Variants in SNRNP200 observed in about 807,000 individuals in gnomAD.
SNRNP200 encodes small nuclear ribonucleoprotein U5 subunit 200.
A neutral mutation model predicts 255.2 loss-of-function variants in SNRNP200; 66 were observed. The ratio of observed to expected loss-of-function variants is 0.26; its 90% CI spans 0.21 to 0.32. The LOEUF is 0.32. Ranked by LOEUF, SNRNP200 falls within the 10% of genes least tolerant of loss-of-function variation. The pLI, the probability that SNRNP200 is intolerant of heterozygous loss-of-function variation, is 1.00. For synonymous variants in SNRNP200, 939 were observed against 1,027.8 expected (o/e 0.91, Z 1.65); for missense variants, 1,585 against 2,749.8 (o/e 0.58, Z 9.47).
At chr2:96,288,427 G>A (rs1179955309) in intron 24 of SNRNP200, among the ~76,000 whole-genome samples, 1 of 152,142 alleles carries the variant, frequency 6.6e-6, no homozygotes, top group African/African-American at 2.4e-5. Context: ...TCTCTCTGAG[G>A]GCCCGTGGAG....
chr2:96,285,227 C>G lies in SNRNP200; in HGVS notation c.4117G>C (p.Glu1373Gln), dbSNP rs1558765924. 1 of 1,614,186 alleles carries G rather than the reference C, an allele frequency of 6.2e-7. No homozygotes were observed. Among genetic ancestry groups the G allele is most frequent in the Admixed American group, 1.7e-5 (1 of 60,032 alleles). The stretch of plus-strand genomic sequence containing the variant: ...GGGGTGATGTACACACAGCGCCCCT[C>G]CGAGCTCTGCAGCAGCATTCGCAGG... ...AILRMLLQSS[E>Q]GRCVYITPME... The change falls in exon 30 of 45, where the codon GAG (glutamate) becomes CAG (glutamine). Residue 1373 changes from glutamate (E) to glutamine (Q), a missense_variant. Physicochemically the swap from Glu to Gln is conservative, Grantham distance 29. Around this residue, in one of 9 missense-constraint regions of SNRNP200, gnomAD observed 719 missense variants for 1,091.1 expected, o/e 0.66. Transcript: ENST00000323853.
chr2:96,290,875 C>T lies in SNRNP200; in HGVS notation c.2422-60G>A. 6.2e-7 allele frequency: 1 copy of T among 1,610,210 alleles called. No individual in the cohort carries two copies. Among genetic ancestry groups the T allele is most frequent in the Non-Finnish European group, 8.5e-7 (1 of 1,177,684 alleles). On this transcript the variant is annotated intron_variant, in intron 18 of 44. Transcript: ENST00000323853. This position sits in a 1 kb window ranked among gnomAD's most constrained non-coding sequence, Gnocchi z 4.5. ...ATGCCATCACCAGGGGTTAATATCC[C>T]TGGCTTCTCTAGGCAGTTGGCCTCA...
chr2:96,298,724 A>C (rs1486713142), intron 7 of SNRNP200, 22 bp from the exon 8 acceptor site: 2 of 1,613,908 alleles, frequency 1.2e-6, no homozygotes, highest in Non-Finnish European at 1.7e-6. Context: ...AGGTAACACC[A>C]CCATTAAGGC....
At position 96,277,579 on chromosome 2, in the gene SNRNP200, G is replaced by T; in HGVS notation, c.5891C>A (p.Pro1964Gln). The change falls in exon 41 of 45, where the codon CCA becomes CAA. Residue 1964 changes from proline (P) to glutamine (Q), a missense_variant. Physicochemically the swap from Pro to Gln is moderately conservative, Grantham distance 76. Around this residue, in one of 9 missense-constraint regions of SNRNP200, gnomAD observed 279 missense variants for 551.2 expected, o/e 0.51. Transcript: ENST00000323853. This position sits in a 1 kb window ranked among gnomAD's most constrained non-coding sequence, Gnocchi z 4.4. ...WSKDSYLKQL[P>Q]HFTSEHIKRC... The stretch of plus-strand genomic sequence containing the variant: ...TTTGATATGCTCAGAGGTGAAGTGT[G>T]GCAGCTGCTTCAGGTATGAGTCCTT... 1 of 1,613,336 alleles carries T rather than the reference G, an allele frequency of 6.2e-7. No individual in the cohort carries two copies. Among genetic ancestry groups the T allele is most frequent in the Non-Finnish European group, 8.5e-7 (1 of 1,180,032 alleles).
Position 96,277,879 on chromosome 2 carries a change from G to A in SNRNP200, c.5682C>T (p.Leu1894=). The change falls in exon 40 of 45, where the codon CTC becomes CTT. Residue 1894 remains leucine (L), a synonymous_variant. Coordinates refer to ENST00000323853, the MANE Select transcript of SNRNP200 (RefSeq NM_014014.5). The surrounding 1 kb of genome is among the most constrained non-coding windows in gnomAD (Gnocchi z 4.4). ...FNDPHVKTNL[L]LQAHLSRMQL... is the part of the protein sequence containing the mutation. The stretch of plus-strand genomic sequence containing the variant: ...GCATGCGAGACAAGTGAGCCTGCAG[G>A]AGCAGGTTGGTCTTGACGTGCGGAT... 3 of 1,614,234 alleles carry A rather than the reference G, an allele frequency of 1.9e-6. No individual in the cohort carries two copies. The highest frequency in any genetic ancestry group is 2.5e-6 in the Non-Finnish European group (3 of 1,180,044).
rs1161223632 is a variant in SNRNP200 at position 96,281,932 on chromosome 2, A to G, written c.4916-10T>C. ...ACCACCTGGATAGCCCCTGAGCAGTAGAGGGGAGAGGAAGGCTGAGGGCAG... is the reference window on the plus strand; with the variant it reads ...ACCACCTGGATAGCCCCTGAGCAGTGGAGGGGAGAGGAAGGCTGAGGGCAG... On this transcript the variant is annotated splice_polypyrimidine_tract_variant and intron_variant, in intron 34 of 44. Coordinates refer to ENST00000323853, the MANE Select transcript of SNRNP200 (RefSeq NM_014014.5). 2 of 1,609,424 alleles carry G rather than the reference A, an allele frequency of 1.2e-6. No individual in the cohort carries two copies. The highest frequency in any genetic ancestry group is 1.7e-6 in the Non-Finnish European group (2 of 1,176,018).
In SNRNP200 at chr2:96,298,843, T is replaced by G; in HGVS notation, c.854A>C (p.Lys285Thr). The change falls in exon 7 of 45, where the codon AAG becomes ACG. Residue 285 changes from lysine (K) to threonine (T), a missense_variant. By Grantham distance (78) the Lys-to-Thr change is moderately conservative. Around this residue, in one of 9 missense-constraint regions of SNRNP200, gnomAD observed 383 missense variants for 645.3 expected, o/e 0.59. Transcript: ENST00000323853. ...FYDDAIVSQK[K>T]ADEVLEILKT... ...CAAAATCTCCAATACTTCATCTGCC[T>G]TCTTCTGCGACACGATGGCATCATC... 1.9e-6 allele frequency: 3 copies of G among 1,614,188 alleles called. No individual in the cohort carries two copies. Among genetic ancestry groups the G allele is most frequent in the Non-Finnish European group, 2.5e-6 (3 of 1,180,040 alleles).
Position 96,277,313 on chromosome 2 carries a change from C to G in SNRNP200, c.5932-72G>C. ...AGCAAATGACACAGGCAGCAAAGAGCTACTAATTTTACCTCCTACACTATC... is the reference window on the plus strand; with the variant it reads ...AGCAAATGACACAGGCAGCAAAGAGGTACTAATTTTACCTCCTACACTATC... On this transcript the variant is annotated intron_variant, in intron 41 of 44. Transcript: ENST00000323853. This position sits in a 1 kb window ranked among gnomAD's most constrained non-coding sequence, Gnocchi z 4.4. The G allele has an allele frequency of 6.5e-7, 1 of 1,541,662 alleles. No homozygotes were observed. The highest frequency in any genetic ancestry group is 9.0e-7 in the Non-Finnish European group (1 of 1,115,216).
At position 96,291,397 on chromosome 2, in the gene SNRNP200, T is replaced by C; in HGVS notation, c.2416A>G (p.Ile806Val). The C allele has an allele frequency of 6.3e-7, 1 of 1,587,080 alleles. No homozygotes were observed. Among genetic ancestry groups the C allele is most frequent in the Non-Finnish European group, 8.7e-7 (1 of 1,155,414 alleles). ...LVEDLFADKH[I>V]QVLVSTATLA... ...AACGCTTTGCACCCCCTCACCTGAA[T>C]ATGTTTATCAGCAAAAAGATCCTCC... The change falls in exon 18 of 45, where the codon ATT (isoleucine) becomes GTT (valine). Residue 806 changes from isoleucine to valine, a missense_variant. Coordinates refer to ENST00000323853, the MANE Select transcript of SNRNP200 (RefSeq NM_014014.5). This position sits in a 1 kb window ranked among gnomAD's most constrained non-coding sequence, Gnocchi z 4.2.
At chr2:96,288,143 C>T (rs1001313878) in intron 24 of SNRNP200, among the ~76,000 whole-genome samples, 174 bp from the exon 25 acceptor site, 2 of 152,150 alleles carry the variant, frequency 1.3e-5, no homozygotes, top group African/African-American at 4.8e-5. Flanking sequence ...AGATGCTTGC[C>T]GGATGGGGAA....
intron 30 of SNRNP200, chr2:96,284,806 G>A: frequency 1.8e-6 from 1 of 570,928 alleles, no homozygotes; most frequent in Non-Finnish European, 3.1e-6. Flanking sequence ...CTGGAGTGCA[G>A]TGGTGCGAAC....
chr2:96,288,212 T>C (rs752981342), intron 24 of SNRNP200, among the ~76,000 whole-genome samples: 70 of 152,222 alleles, frequency 4.6e-4, no homozygotes, highest in Admixed American at 2.6e-4. Context: ...TAACATTCAC[T>C]GCATGATTTT....
chr2:96,287,147 G>A lies in SNRNP200; in HGVS notation c.3498C>T (p.Arg1166=), dbSNP rs1345608460. 1.9e-6 allele frequency: 3 copies of A among 1,614,110 alleles called. No individual in the cohort carries two copies. The highest frequency in any genetic ancestry group is 2.7e-5 in the African/African-American group (2 of 74,932). The change falls in exon 27 of 45, where the codon CGC becomes CGT. Residue 1166 remains arginine, a synonymous_variant. Coordinates refer to ENST00000323853, the MANE Select transcript of SNRNP200 (RefSeq NM_014014.5). The surrounding 1 kb of genome is among the most constrained non-coding windows in gnomAD (Gnocchi z 5.7). ...GGATGGTCTTCCCCATCTTTGGCAT[G>A]CGGATAAGCTCCCCTACAAGGAAAT... is the stretch of plus-strand genomic sequence containing the variant. The part of the protein sequence containing the change: ...LNHNEIGELI[R]MPKMGKTIHK...
chr2:96,299,638 C>A (rs1008943022), intron 5 of SNRNP200, among the ~76,000 whole-genome samples: 4 of 152,190 alleles, frequency 2.6e-5, no homozygotes, highest in Non-Finnish European at 5.9e-5. Flanking sequence ...CTTTCTATTT[C>A]TCACCTTAGG....
intron 3 of SNRNP200, among the ~76,000 whole-genome samples, chr2:96,302,308 T>C (rs1263609770): frequency 6.6e-6 from 1 of 152,124 alleles, no homozygotes; most frequent in Non-Finnish European, 1.5e-5. Context: ...GCTCAGTAAA[T>C]ATAAGCCACT....
rs573680364 is a variant in SNRNP200 at position 96,276,567 on chromosome 2, G to A, written c.6174+337C>T. ...CTCCTGAGTAGCTGGGACTACAGGTGCCCACCACCACGCACAGCTAATTTT... is the reference window on the plus strand; with the variant it reads ...CTCCTGAGTAGCTGGGACTACAGGTACCCACCACCACGCACAGCTAATTTT... On this transcript the variant is annotated intron_variant, in intron 43 of 44. Transcript: ENST00000323853. The A allele has an allele frequency of 4.5e-4, 159 of 354,770 alleles. 1 individual carries two copies. The highest frequency in any genetic ancestry group is 3.3e-3 in the South Asian group (151 of 45,400). The allele number at this position is 354,770 out of a possible 1,614,324, so 22.0% of individuals were successfully genotyped here. A position where few individuals can be genotyped will look rare whatever the true frequency, so the allele number is the denominator to read the frequency against.
At chr2:96,303,112 G>A (rs1234580869) in intron 3 of SNRNP200, 47 bp downstream of exon 3, 1 of 1,595,016 alleles carries the variant, frequency 6.3e-7, no homozygotes, top group East Asian at 2.2e-5. Flanking sequence ...CTGTATGCCA[G>A]AAAATGAAAT....
chr2:96,277,176 C>T lies in SNRNP200; in HGVS notation c.5997G>A (p.Leu1999=). The T allele has an allele frequency of 2.5e-6, 4 of 1,614,210 alleles. No individual in the cohort carries two copies. Among genetic ancestry groups the T allele is most frequent in the Non-Finnish European group, 3.4e-6 (4 of 1,180,044 alleles). The change falls in exon 42 of 45, where the codon CTG becomes CTA. Residue 1999 remains leucine (L), a synonymous_variant. Coordinates refer to ENST00000323853, the MANE Select transcript of SNRNP200 (RefSeq NM_014014.5). This position sits in a 1 kb window ranked among gnomAD's most constrained non-coding sequence, Gnocchi z 4.4. ...EDEERNALLQ[L]TDSQIADVAR... is the part of the protein sequence containing the mutation. ...CCACATCTGCAATCTGGCTGTCAGT[C>T]AGCTGAAGCAACGCGTTCCGTTCTT...
chr2:96,303,409 T>C, intron 2 of SNRNP200, 79 bp from the exon 3 acceptor site: 1 of 1,514,910 alleles, frequency 6.6e-7, no homozygotes, highest in African/African-American at 1.4e-5. Flanking sequence ...CACCCTCCTC[T>C]CCTCAGCTTC....
Sources: allele counts gnomAD v4.1 joint callset (sites outside exome capture counted in the v4.1 genomes callset), GRCh38; gene constraint gnomAD v4.1.1; regional missense constraint gnomAD v4.1.1; non-coding constraint Gnocchi (gnomAD v3.1); transcripts MANE v1.5; gene names NCBI Gene and HGNC (gene_info 2026-07-23, HGNC 2026-07-21).